Variants in RTN4 observed in about 807,000 individuals in gnomAD.
The protein encoded by RTN4 is reticulon 4, also known as reticulon-4.
Under a neutral mutation model 90.4 loss-of-function variants are expected in RTN4, and 32 were observed. That is an observed-to-expected ratio of 0.35 (90% confidence interval 0.27 to 0.48). RTN4 has a LOEUF of 0.48. Ranked by LOEUF, RTN4 falls within the 20% of genes least tolerant of loss-of-function variation. The pLI, the probability that RTN4 is intolerant of heterozygous loss-of-function variation, is 0.99. For synonymous variants in RTN4, 629 were observed against 552.5 expected (o/e 1.14, Z -1.94); for missense variants, 1,706 against 1,430.2 (o/e 1.19, Z -3.11).
chr2:55,011,574 G>A (rs1680644530), intron 3 of RTN4, among the ~76,000 whole-genome samples: 2 of 152,138 alleles, frequency 1.3e-5, no homozygotes, highest in South Asian at 4.1e-4. Flanking sequence ...ACTTAAGACT[G>A]TATAGCTAAA....
Position 55,025,076 on chromosome 2 carries a change from A to G in RTN4, c.3013+10T>C, listed in dbSNP as rs546003683. 1.9e-6 allele frequency: 3 copies of G among 1,585,416 alleles called. No individual in the cohort carries two copies. In the South Asian group the frequency reaches 3.5e-5, roughly 18 times the overall value. The stretch of plus-strand genomic sequence containing the variant: ...CATGAAAGCACAAAACTGCATATAG[A>G]TTGGATTACCTGAAGTTTTACTCAG... On this transcript the variant is annotated intron_variant, in intron 3 of 8. Coordinates refer to ENST00000337526, the MANE Select transcript of RTN4 (RefSeq NM_020532.5).
At chr2:55,069,069 T>C (rs1668443790) in intron 2 of RTN4, among the ~76,000 whole-genome samples, 1 of 152,204 alleles carries the variant, frequency 6.6e-6, no homozygotes, top group African/African-American at 2.4e-5. Flanking sequence ...GCAAATAACA[T>C]CTTAATATTA....
At position 55,078,350 on chromosome 2, in the gene RTN4, C is replaced by T. The variant is rs562479869; in HGVS notation, c.-63+2139G>A. On this transcript the variant is annotated intron_variant, in intron 2 of 3. Transcript: ENST00000427710. ...ACCTCCTGGGCTCAAGTGATCCTCC[C>T]ACCTCAGCCTCTGGAATAGCTAGTT... Among the ~76,000 whole-genome samples, 227 of 152,166 alleles carry T rather than the reference C, an allele frequency of 1.5e-3. No homozygotes were observed. The Middle Eastern group carries it at 0.041, about 27-fold the overall frequency.
chr2:55,044,925 G>A (rs372510244), intron 1 of RTN4, among the ~76,000 whole-genome samples: 9 of 151,124 alleles, frequency 6.0e-5, no homozygotes, highest in African/African-American at 2.2e-4. Flanking sequence ...GGCTTAACCA[G>A]AAATTATTCA....
intron 5 of RTN4, among the ~76,000 whole-genome samples, chr2:54,975,642 G>A (rs746154164): frequency 4.6e-5 from 7 of 152,098 alleles, no homozygotes; most frequent in South Asian, 2.1e-4. Context: ...AAAACAGGCC[G>A]TGGCCCAAAC....
rs115779663 is a variant in RTN4, at chr2:54,984,397, T to C, written c.3222-1744A>G. 3.5e-3 allele frequency among the ~76,000 whole-genome samples: 533 copies of C among 152,324 alleles called. 2 individuals are homozygous for C. The highest frequency in any genetic ancestry group is 0.012 in the African/African-American group (502 of 41,558). ...TTAACAAAAAACTGAATTATTAATATCAAGTTAAAAATACTCAAATACTCG... is the reference window on the plus strand; with the variant it reads ...TTAACAAAAAACTGAATTATTAATACCAAGTTAAAAATACTCAAATACTCG... On this transcript the variant is annotated intron_variant, in intron 4 of 8. Transcript: ENST00000337526.
chr2:55,039,684 C>G (rs983472068), intron 1 of RTN4, among the ~76,000 whole-genome samples: 3 of 152,138 alleles, frequency 2.0e-5, no homozygotes, highest in African/African-American at 7.2e-5. Flanking sequence ...GAGACTGAGG[C>G]AGGAGAATCA....
chr2:55,087,209 T>A (rs533220566), intron 1 of RTN4, among the ~76,000 whole-genome samples: 1 of 152,208 alleles, frequency 6.6e-6, no homozygotes, highest in Admixed American at 6.5e-5. Context: ...CATCTATGTA[T>A]GTGTTTCTGT....
intron 1 of RTN4, among the ~76,000 whole-genome samples, chr2:55,033,948 G>A (rs1329283199): frequency 1.3e-5 from 2 of 151,962 alleles, no homozygotes; most frequent in Non-Finnish European, 2.9e-5. Flanking sequence ...TTTCTCTACT[G>A]TACTATCAAA....
At chr2:55,118,838 C>T in the RTN4 span, among the ~76,000 whole-genome samples, 2 of 152,224 alleles carry the variant, frequency 1.3e-5, no homozygotes, top group Admixed American at 1.3e-4. Flanking sequence ...CAGGCTTCAA[C>T]CATCAGATAT....
intron 1 of RTN4, among the ~76,000 whole-genome samples, chr2:55,110,421 C>G (rs1175096871): frequency 6.6e-6 from 1 of 152,040 alleles, no homozygotes; most frequent in Non-Finnish European, 1.5e-5. Flanking sequence ...CCCTTCTCAC[C>G]TTCCATTTCC....
intron 3 of RTN4, among the ~76,000 whole-genome samples, chr2:54,996,791 CA>C (rs1679463645): frequency 6.6e-6 from 1 of 152,178 alleles, no homozygotes; most frequent in South Asian, 2.1e-4. Flanking sequence ...GACAAGGTCT[CA>C]CTCTGTCACC....
intron 1 of RTN4, among the ~76,000 whole-genome samples, chr2:55,083,296 G>C (rs1229988930): frequency 6.6e-6 from 1 of 152,188 alleles, no homozygotes; most frequent in Non-Finnish European, 1.5e-5. Context: ...AGAAGTTTGA[G>C]ACCAGCCTGG....
Position 55,025,363 on chromosome 2 carries a change from G to T in RTN4, c.2736C>A (p.Cys912Ter). The change falls in exon 3 of 9, where the codon TGC becomes TGA. Residue 912 changes from cysteine to a stop codon, truncating the protein, a stop_gained. Coordinates refer to ENST00000337526, the MANE Select transcript of RTN4 (RefSeq NM_020532.5). LOFTEE classifies it high-confidence loss of function. ...AAGAAAGGTCATGGGGCAATTCTGT[G>T]CAAGGCAATGACCCAGCTCCATCCG... Reference protein sequence around the residue: ...NAPDGAGSLPCTELPHDLSLK... With the variant: ...NAPDGAGSLP 1 of 1,613,944 alleles carries T rather than the reference G, an allele frequency of 6.2e-7. No homozygotes were observed. Among genetic ancestry groups the T allele is most frequent in the Admixed American group, 1.7e-5 (1 of 59,978 alleles).
intron 4 of RTN4, among the ~76,000 whole-genome samples, chr2:54,983,337 A>AAATAAATG (rs1430207717): frequency 3.3e-5 from 5 of 151,490 alleles, no homozygotes; most frequent in African/African-American, 1.2e-4. Flanking sequence ...ATAAATAAAT[A>AAATAAATG]AATAAATAAA....
chr2:55,008,658 C>T (rs1336355338), intron 3 of RTN4, among the ~76,000 whole-genome samples: 1 of 152,062 alleles, frequency 6.6e-6, no homozygotes, highest in East Asian at 1.9e-4. Context: ...AAAATATGAA[C>T]TACATTGGAA....
chr2:54,986,871 G>A lies in RTN4; in HGVS notation c.3221+620C>T, dbSNP rs1006953418. On this transcript the variant is annotated intron_variant, in intron 4 of 8. Coordinates refer to ENST00000337526, the MANE Select transcript of RTN4 (RefSeq NM_020532.5). ...TTATATGTCAATTAAAAAAGAGGGGGAAAAACACGCAGAGTATGAGGTGAG... is the reference window on the plus strand; with the variant it reads ...TTATATGTCAATTAAAAAAGAGGGGAAAAAACACGCAGAGTATGAGGTGAG... 1.5e-4 allele frequency among the ~76,000 whole-genome samples: 23 copies of A among 152,118 alleles called. 1 individual carries two copies. Among genetic ancestry groups the A allele is most frequent in the African/African-American group, 5.1e-4 (21 of 41,506 alleles).
chr2:55,127,296 A>G, the RTN4 span, among the ~76,000 whole-genome samples: 1 of 152,232 alleles, frequency 6.6e-6, no homozygotes, highest in Non-Finnish European at 1.5e-5. Context: ...TCAGGCTGAC[A>G]AGATGATCAC....
intron 1 of RTN4, among the ~76,000 whole-genome samples, chr2:55,101,681 A>G (rs1558880506): frequency 6.6e-6 from 1 of 152,196 alleles, no homozygotes; most frequent in East Asian, 1.9e-4. Context: ...GAGATGAAAA[A>G]GATCAACCCA....
Sources: allele counts gnomAD v4.1 joint callset (sites outside exome capture counted in the v4.1 genomes callset), GRCh38; gene constraint gnomAD v4.1.1; transcripts MANE v1.5; gene names NCBI Gene and HGNC (gene_info 2026-07-23, HGNC 2026-07-21).